CFAP54: variants seen among roughly 807,000 people sequenced by gnomAD.
CFAP54 encodes the protein cilia- and flagella-associated protein 54.
Under a neutral mutation model 370.4 loss-of-function variants are expected in CFAP54, and 290 were observed. The observed-to-expected ratio is 0.78, with a 90% CI of 0.71 to 0.86. CFAP54 has a LOEUF of 0.86. Among genes scored for constraint, CFAP54 ranks in the 40% least tolerant of loss-of-function variants. CFAP54 has a pLI of 0.00. For synonymous variants in CFAP54, 1,206 were observed against 1,236.5 expected, an observed-to-expected ratio of 0.98 and a Z score of 0.52; for missense variants, 3,399 against 3,528.7, an observed-to-expected ratio of 0.96 and a Z score of 0.93.
At chr12:96,844,815 G>A (rs1270438661) in intron 66 of CFAP54, among the ~76,000 whole-genome samples, 6 of 152,084 alleles carry the variant, frequency 3.9e-5, no homozygotes, top group African/African-American at 1.4e-4. Flanking sequence ...TCAACCACTG[G>A]CAAGTCCAAG....
At chr12:96,549,199 T>A (rs1955670179) in intron 15 of CFAP54, among the ~76,000 whole-genome samples, 1 of 152,038 alleles carries the variant, frequency 6.6e-6, no homozygotes, top group Non-Finnish European at 1.5e-5. Context: ...AATCACTGGC[T>A]TATGGGCTAG....
intron 42 of CFAP54, among the ~76,000 whole-genome samples, chr12:96,686,892 A>C (rs1461014512): frequency 6.6e-6 from 1 of 152,182 alleles, no homozygotes; most frequent in Admixed American, 6.5e-5. Context: ...AATTACCCTA[A>C]ACCTAGCGGC....
At chr12:96,828,264 T>C (rs1197864377) in intron 65 of CFAP54, among the ~76,000 whole-genome samples, 1 of 151,208 alleles carries the variant, frequency 6.6e-6, no homozygotes, top group Non-Finnish European at 1.5e-5. Flanking sequence ...TGTTTGTCAG[T>C]ATGAGTTGAG....
Position 96,539,159 on chromosome 12 carries a change from C to G in CFAP54, c.1926+641C>G, listed in dbSNP as rs191679980. On this transcript the variant is annotated intron_variant, in intron 13 of 67. Coordinates refer to ENST00000524981, the MANE Select transcript of CFAP54 (RefSeq NM_001306084.2). ...AACTGCAACCTCTGCCTGCCGGGTT[C>G]AAGCGATTCTCCTGCCTCAGCTTCT... 2.7e-3 allele frequency among the ~76,000 whole-genome samples: 395 copies of G among 147,042 alleles called. 2 individuals carry two copies. Among genetic ancestry groups the G allele is most frequent in the African/African-American group, 9.7e-3 (382 of 39,348 alleles).
chr12:96,663,183 A>T (rs1201880031), intron 38 of CFAP54, among the ~76,000 whole-genome samples: 1 of 152,170 alleles, frequency 6.6e-6, no homozygotes, highest in African/African-American at 2.4e-5. Flanking sequence ...TTTACTTCTC[A>T]TTATAAAAGT....
At chr12:96,782,324 C>T (rs1331370598) in intron 60 of CFAP54, among the ~76,000 whole-genome samples, 1 of 151,408 alleles carries the variant, frequency 6.6e-6, no homozygotes, top group East Asian at 1.9e-4. Flanking sequence ...CTACCCTGCA[C>T]AATAATATAA....
Position 96,587,566 on chromosome 12 carries a change from C to G in CFAP54, c.3076-1861C>G, listed in dbSNP as rs141082170. Among the ~76,000 whole-genome samples, 31 of 152,310 alleles carry G rather than the reference C, an allele frequency of 2.0e-4. No homozygotes were observed. The East Asian group carries it at 5.8e-3, about 28-fold the overall frequency. ...AACATGCTTATATCATGGCACTCCTCTGTTAAAGAAACCTCACAAAACCTC... is the reference window on the plus strand; with the variant it reads ...AACATGCTTATATCATGGCACTCCTGTGTTAAAGAAACCTCACAAAACCTC... On this transcript the variant is annotated intron_variant, in intron 22 of 67. Transcript: ENST00000524981.
intron 15 of CFAP54, among the ~76,000 whole-genome samples, chr12:96,551,648 TAGAC>T (rs2136397959): frequency 6.6e-6 from 1 of 152,272 alleles, no homozygotes; most frequent in South Asian, 2.1e-4. Context: ...CTACTTCACT[TAGAC>T]AAAGAGATGC....
At chr12:96,864,623 C>G (rs544862260) in intron 67 of CFAP54, among the ~76,000 whole-genome samples, 1 of 152,178 alleles carries the variant, frequency 6.6e-6, no homozygotes, top group Non-Finnish European at 1.5e-5. Context: ...GCAAATCCCT[C>G]CATCCAGTTC....
chr12:96,720,576 C>T lies in CFAP54; in HGVS notation c.6965+11C>T. ...CCGGGCGGCATACAGGTGCGTCTCT[C>T]CATGCACAGGGGAGGGATACCTTTG... On this transcript the variant is annotated intron_variant, in intron 50 of 67. Transcript: ENST00000524981. The T allele has an allele frequency of 6.7e-7, 1 of 1,488,348 alleles. No homozygotes were observed. Among genetic ancestry groups the T allele is most frequent in the Non-Finnish European group, 9.0e-7 (1 of 1,112,606 alleles). 92.2% of individuals were successfully genotyped at this position (1,488,348 alleles called of 1,614,324 possible).
At chr12:96,851,813 A>G (rs912835365) in intron 66 of CFAP54, among the ~76,000 whole-genome samples, 3 of 152,064 alleles carry the variant, frequency 2.0e-5, no homozygotes, top group African/African-American at 7.2e-5. Context: ...TTGTAAAATC[A>G]ACTAGTCATA....
intron 14 of CFAP54, among the ~76,000 whole-genome samples, chr12:96,545,959 C>T (rs1394567646): frequency 6.6e-6 from 1 of 152,232 alleles, no homozygotes; most frequent in African/African-American, 2.4e-5. Context: ...TTATCTGTAT[C>T]CTTTGTAATA....
chr12:96,703,943 G>C (rs1171021959), intron 46 of CFAP54, among the ~76,000 whole-genome samples: 1 of 152,046 alleles, frequency 6.6e-6, no homozygotes, highest in Non-Finnish European at 1.5e-5. Flanking sequence ...TTTAAACTAG[G>C]GCTGAATGAT....
At chr12:96,685,411 A>G (rs868662803) in intron 42 of CFAP54, among the ~76,000 whole-genome samples, 173 bp downstream of exon 42, 1 of 152,092 alleles carries the variant, frequency 6.6e-6, no homozygotes, top group Non-Finnish European at 1.5e-5. Context: ...ATTGCTTATG[A>G]TTATCTCTTC....
intron 46 of CFAP54, among the ~76,000 whole-genome samples, chr12:96,701,267 C>A (rs969163148): frequency 6.6e-6 from 1 of 152,052 alleles, no homozygotes. Context: ...CTGTTTTGCT[C>A]ATTTTCTGTG....
intron 62 of CFAP54, among the ~76,000 whole-genome samples, chr12:96,788,714 A>G (rs185887190): frequency 6.6e-6 from 1 of 152,260 alleles, no homozygotes; most frequent in East Asian, 1.9e-4. Context: ...TACTCAAGAG[A>G]GTCAGATGAC....
At chr12:96,767,856 A>G (rs549558206) in intron 60 of CFAP54, among the ~76,000 whole-genome samples, 2 of 152,332 alleles carry the variant, frequency 1.3e-5, no homozygotes, top group Admixed American at 6.5e-5. Context: ...GCATTGATCT[A>G]CACATGAGGT....
intron 50 of CFAP54, among the ~76,000 whole-genome samples, chr12:96,723,924 C>T (rs998053651): frequency 3.4e-5 from 5 of 147,194 alleles, no homozygotes; most frequent in South Asian, 2.2e-4. Context: ...TGAGAACATG[C>T]GGTGTTTGGT....
intron 26 of CFAP54, among the ~76,000 whole-genome samples, chr12:96,607,336 TA>T (rs753783181): frequency 7.2e-4 from 103 of 143,700 alleles, no homozygotes; most frequent in Admixed American, 6.9e-4. Context: ...AAGACTTGGT[TA>T]AAAAAAAAAA....
Sources: gnomAD v4.1 joint callset for allele counts (sites outside exome capture counted in the v4.1 genomes callset) on GRCh38, gnomAD v4.1.1 for gene constraint, MANE v1.5 for transcripts, NCBI Gene and HGNC (gene_info 2026-07-23, HGNC 2026-07-21) for gene names.